SNTG2: variants seen among roughly 807,000 people sequenced by gnomAD.
SNTG2 encodes gamma-2-syntrophin.
A neutral mutation model predicts 70.9 loss-of-function variants in SNTG2; 74 were observed. That is an observed-to-expected ratio of 1.04 (90% CI 0.86 to 1.27). SNTG2 has a LOEUF of 1.27. SNTG2 is among the 50% of genes most tolerant of loss of function. The pLI is 0.00. For synonymous variants in SNTG2, 278 were observed against 273.8 expected (o/e 1.02, Z -0.15); for missense variants, 717 against 690.7 (o/e 1.04, Z -0.43).
At chr2:1,336,076 C>T (rs183438166) in intron 16 of SNTG2, among the ~76,000 whole-genome samples, 121 of 152,280 alleles carry the variant, frequency 7.9e-4, no homozygotes, top group African/African-American at 2.8e-3. Flanking sequence ...AATATTTCAA[C>T]TCAAAGGCAT....
intron 6 of SNTG2, among the ~76,000 whole-genome samples, chr2:1,143,608 C>T (rs28557316): frequency 0.35 from 53,546 of 151,036 alleles, 10,652 homozygotes; most frequent in Middle Eastern, 0.47. Flanking sequence ...GTGACTCACT[C>T]CTGTAATCCC....
intron 15 of SNTG2, among the ~76,000 whole-genome samples, chr2:1,308,979 A>T (rs1680845825): frequency 6.6e-6 from 1 of 152,224 alleles, no homozygotes; most frequent in Non-Finnish European, 1.5e-5. Flanking sequence ...GATGCCAGGA[A>T]TGTACAGCTG....
rs544492532 is a variant in SNTG2, at chr2:995,905, C to T, written c.72+44837C>T. Among the ~76,000 whole-genome samples, 3 of 152,228 alleles carry T rather than the reference C, an allele frequency of 2.0e-5. No homozygotes were observed. The South Asian group carries it at 6.2e-4, about 32-fold the overall frequency. On this transcript the variant is annotated intron_variant, in intron 1 of 16. Coordinates refer to ENST00000308624, the MANE Select transcript of SNTG2 (RefSeq NM_018968.4). ...CAGGAGGAGAGAGAGAATTAGTTGGCAAACAGCTCCAAATTTTGCTCGAAA... is the reference window on the plus strand; with the variant it reads ...CAGGAGGAGAGAGAGAATTAGTTGGTAAACAGCTCCAAATTTTGCTCGAAA...
intron 4 of SNTG2, among the ~76,000 whole-genome samples, chr2:1,118,809 G>C (rs12994581): frequency 0.5 from 76,601 of 151,754 alleles, 19,501 homozygotes; most frequent in East Asian, 0.58. Flanking sequence ...TTATGGGACT[G>C]AGAAGGAGCA....
chr2:1,334,201 A>G (rs1423799735), intron 16 of SNTG2, among the ~76,000 whole-genome samples: 2 of 152,246 alleles, frequency 1.3e-5, no homozygotes, highest in Non-Finnish European at 2.9e-5. Flanking sequence ...AATGCTCAAC[A>G]TCAGTAATTT....
intron 14 of SNTG2, among the ~76,000 whole-genome samples, chr2:1,305,940 A>T (rs991393740): frequency 2.0e-5 from 3 of 152,222 alleles, no homozygotes; most frequent in Non-Finnish European, 4.4e-5. Context: ...TACAGATCCT[A>T]TGATGCTAGC....
chr2:1,087,879 A>C (rs1054343289), intron 2 of SNTG2, among the ~76,000 whole-genome samples: 1 of 152,212 alleles, frequency 6.6e-6, no homozygotes. Context: ...TGTTGAATGG[A>C]TCATCACACT....
intron 1 of SNTG2, among the ~76,000 whole-genome samples, chr2:956,535 C>T (rs1414121409): frequency 1.3e-5 from 2 of 151,796 alleles, no homozygotes; most frequent in Non-Finnish European, 2.9e-5. Flanking sequence ...GCAGCACCTG[C>T]CCCCGCAACC....
intron 1 of SNTG2, among the ~76,000 whole-genome samples, chr2:973,112 T>C (rs1477087831): frequency 1.3e-5 from 2 of 152,228 alleles, no homozygotes; most frequent in African/African-American, 4.8e-5. Flanking sequence ...CAGTAATTCT[T>C]ATAGCAAATT....
chr2:1,161,875 C>G (rs553070250), intron 6 of SNTG2, among the ~76,000 whole-genome samples: 2 of 152,036 alleles, frequency 1.3e-5, no homozygotes, highest in South Asian at 2.1e-4. Context: ...GAGATCGAGA[C>G]CATCCTGGCT....
intron 1 of SNTG2, among the ~76,000 whole-genome samples, chr2:1,050,570 T>C (rs1661999753): frequency 6.6e-6 from 1 of 152,222 alleles, no homozygotes; most frequent in Non-Finnish European, 1.5e-5. Flanking sequence ...TCTAAGTTTA[T>C]AATAGTTCCT....
At chr2:1,244,384 T>C (rs1677266450) in intron 11 of SNTG2, among the ~76,000 whole-genome samples, 1 of 152,086 alleles carries the variant, frequency 6.6e-6, no homozygotes, top group Admixed American at 6.5e-5. Flanking sequence ...CCAGACTTTT[T>C]GTGCTTGTTG....
intron 16 of SNTG2, among the ~76,000 whole-genome samples, chr2:1,331,458 G>A (rs1042887936): frequency 2.0e-5 from 3 of 152,200 alleles, no homozygotes; most frequent in African/African-American, 7.2e-5. Context: ...CGGGGGTGGG[G>A]AATGTAGGAA....
At chr2:1,290,802 G>A (rs1016816310) in intron 14 of SNTG2, among the ~76,000 whole-genome samples, 7 of 149,142 alleles carry the variant, frequency 4.7e-5, no homozygotes, top group African/African-American at 1.7e-4. Flanking sequence ...CCATATCAAT[G>A]GGTGTACAAA....
Position 968,030 on chromosome 2 carries a change from T to TA in SNTG2, c.72+16974dup, listed in dbSNP as rs11433187. Among the ~76,000 whole-genome samples, 733 of 145,404 alleles carry TA rather than the reference T, an allele frequency of 5.0e-3. 8 individuals are homozygous for TA. The highest frequency in any genetic ancestry group is 0.014 in the African/African-American group (549 of 39,750). On this transcript the variant is annotated intron_variant, in intron 1 of 16. Transcript: ENST00000308624. ...ACAGAGCGAGACTCTGTCTCAAAAT[T>TA]AAAAAAAAAAAAGTGTCTTTTTATA... is the stretch of plus-strand genomic sequence containing the variant.
chr2:1,060,922 G>A (rs755131917), intron 1 of SNTG2, among the ~76,000 whole-genome samples: 2 of 152,148 alleles, frequency 1.3e-5, no homozygotes, highest in African/African-American at 2.4e-5. Flanking sequence ...AGGAAAAAAT[G>A]GTAACATTAG....
In SNTG2 at chr2:1,223,560, A is replaced by T. The variant is rs542342201; in HGVS notation, c.720-14328A>T. 3.9e-5 allele frequency among the ~76,000 whole-genome samples: 6 copies of T among 152,290 alleles called. No individual in the cohort carries two copies. In the South Asian group the frequency reaches 1.2e-3, roughly 32 times the overall value. ...CATTTTACCATGAACCCCTCACCTC[A>T]ATTTCCTGGCACCCTCCCCATTACA... On this transcript the variant is annotated intron_variant, in intron 9 of 16. Transcript: ENST00000308624.
chr2:1,264,872 A>C lies in SNTG2; in HGVS notation c.1078-2493A>C, dbSNP rs1054729803. Among the ~76,000 whole-genome samples, 11 of 152,318 alleles carry C rather than the reference A, an allele frequency of 7.2e-5. No individual in the cohort carries two copies. In the South Asian group the frequency reaches 8.3e-4, roughly 11 times the overall value. On this transcript the variant is annotated intron_variant, in intron 13 of 16. Coordinates refer to ENST00000308624, the MANE Select transcript of SNTG2 (RefSeq NM_018968.4). ...CACTGTGCCTGAATTCACTTATTCT[A>C]TTCTAAGAATGTAGTATATTATACG... is the stretch of plus-strand genomic sequence containing the variant.
chr2:1,362,801 G>A (rs1022135172), intron 16 of SNTG2, among the ~76,000 whole-genome samples: 20 of 121,126 alleles, frequency 1.7e-4, no homozygotes, highest in African/African-American at 1.3e-4. Context: ...TAGAACTTCC[G>A]TGAAAGTCAC....
Sources: gnomAD v4.1 joint callset for allele counts (sites outside exome capture counted in the v4.1 genomes callset) on GRCh38, gnomAD v4.1.1 for gene constraint, MANE v1.5 for transcripts, NCBI Gene and HGNC (gene_info 2026-07-23, HGNC 2026-07-21) for gene names.